The following MAGI2 variants were observed in gnomAD, a reference collection of about 807,000 sequenced individuals.
MAGI2 encodes membrane associated guanylate kinase, WW and PDZ domain containing 2, also known as membrane-associated guanylate kinase, WW and PDZ domain-containing protein 2.
In MAGI2, 35 loss-of-function variants were observed where a neutral mutation model predicts 133.3. That is an observed-to-expected ratio of 0.26 (90% CI 0.20 to 0.35). MAGI2 has a LOEUF of 0.35. MAGI2 is among the 10% of genes least tolerant of loss of function. The pLI, the probability that MAGI2 is intolerant of heterozygous loss-of-function variation, is 1.00. For synonymous variants in MAGI2, 729 were observed against 710.6 expected (o/e 1.03, Z -0.41); for missense variants, 1,636 against 1,863.4 (o/e 0.88, Z 2.25).
At chr7:79,420,482 T>C (rs1178297379) in intron 1 of MAGI2, among the ~76,000 whole-genome samples, 1 of 151,958 alleles carries the variant, frequency 6.6e-6, no homozygotes, top group Non-Finnish European at 1.5e-5. Context: ...TCAACCTCAC[T>C]TTTCTCAATG....
At chr7:78,622,955 A>G (rs562812332) in intron 3 of MAGI2, among the ~76,000 whole-genome samples, 28 of 152,214 alleles carry the variant, frequency 1.8e-4, no homozygotes, top group Admixed American at 1.3e-3. Flanking sequence ...CCAGCAAACT[A>G]AAGTGCCAGT....
intron 20 of MAGI2, among the ~76,000 whole-genome samples, chr7:78,115,373 T>C (rs542871915): frequency 9.9e-5 from 15 of 152,132 alleles, no homozygotes; most frequent in Middle Eastern, 6.9e-3. Context: ...TAAATACAAG[T>C]ATAAGTAAAT....
intron 1 of MAGI2, among the ~76,000 whole-genome samples, chr7:79,430,192 T>G (rs913362103): frequency 6.6e-6 from 1 of 152,152 alleles, no homozygotes; most frequent in African/African-American, 2.4e-5. Flanking sequence ...TTTAAAAATC[T>G]ATGTCAACAA....
intron 1 of MAGI2, among the ~76,000 whole-genome samples, chr7:79,171,142 T>A (rs1432807832): frequency 6.6e-6 from 1 of 152,078 alleles, no homozygotes; most frequent in Non-Finnish European, 1.5e-5. Context: ...GAAATTTATT[T>A]TCCCATGGTT....
intron 3 of MAGI2, among the ~76,000 whole-genome samples, chr7:78,620,067 T>G (rs16886222): frequency 6.6e-6 from 1 of 151,912 alleles, no homozygotes; most frequent in Non-Finnish European, 1.5e-5. Context: ...CAGTAAAAAT[T>G]TCCTCTTGTA....
chr7:78,479,531 A>G (rs1792141713), intron 6 of MAGI2, among the ~76,000 whole-genome samples: 10 of 151,982 alleles, frequency 6.6e-5, no homozygotes. Flanking sequence ...CCAAGTCAGG[A>G]GAACTAAGCA....
intron 1 of MAGI2, among the ~76,000 whole-genome samples, chr7:79,389,827 G>C (rs1844467250): frequency 6.6e-6 from 1 of 151,974 alleles, no homozygotes; most frequent in Non-Finnish European, 1.5e-5. Context: ...GACCAGTTTG[G>C]GTTTCCTGAG....
At chr7:79,289,761 C>T (rs974586869) in intron 1 of MAGI2, among the ~76,000 whole-genome samples, 5 of 152,132 alleles carry the variant, frequency 3.3e-5, no homozygotes, top group Non-Finnish European at 7.4e-5. Flanking sequence ...AGCAGGAAAT[C>T]TGATTTCCAT....
intron 16 of MAGI2, among the ~76,000 whole-genome samples, chr7:78,138,049 A>G (rs956959307): frequency 7.2e-5 from 11 of 152,198 alleles, no homozygotes; most frequent in African/African-American, 2.7e-4. Flanking sequence ...AGCAGTTATT[A>G]ATTTGTCCAA....
intron 2 of MAGI2, among the ~76,000 whole-genome samples, chr7:78,955,231 G>A (rs933423731): frequency 6.6e-6 from 1 of 151,540 alleles, no homozygotes; most frequent in African/African-American, 2.4e-5. Context: ...TTATTTTGTA[G>A]TTAAAAAAAC....
chr7:78,051,907 A>G (rs1164671847), intron 21 of MAGI2, among the ~76,000 whole-genome samples: 1 of 109,022 alleles, frequency 9.2e-6, no homozygotes, highest in Non-Finnish European at 1.7e-5. Flanking sequence ...TTTTTAAGAC[A>G]AGATCTTGCT....
intron 2 of MAGI2, among the ~76,000 whole-genome samples, chr7:78,717,069 C>T (rs946658391): frequency 1.3e-5 from 2 of 152,128 alleles, no homozygotes; most frequent in East Asian, 1.9e-4. Flanking sequence ...GCATACCATT[C>T]CCACCCCATT....
chr7:78,636,880 T>C (rs529859135), intron 2 of MAGI2, among the ~76,000 whole-genome samples: 2 of 152,200 alleles, frequency 1.3e-5, no homozygotes, highest in African/African-American at 2.4e-5. Context: ...GGAGGACTTG[T>C]TAAAGCACAG....
chr7:78,628,040 G>A (rs919984720), intron 2 of MAGI2, among the ~76,000 whole-genome samples: 5 of 152,214 alleles, frequency 3.3e-5, no homozygotes, highest in East Asian at 3.9e-4. Flanking sequence ...GAGCTATGAC[G>A]GCCAAGGTGG....
rs1251126790 is a variant in MAGI2 at position 78,803,245 on chromosome 7, A to ACAT, written c.419-176007_419-176006insATG. On this transcript the variant is annotated intron_variant, in intron 2 of 21. Coordinates refer to ENST00000354212, the MANE Select transcript of MAGI2 (RefSeq NM_012301.4). ...CTACATATGTTCTACATAAAGTGTT[A>ACAT]ACTGCTAATAAGAGCAAGTCAGGAA... is the stretch of plus-strand genomic sequence containing the variant. Among the ~76,000 whole-genome samples the ACAT allele has an allele frequency of 1.0e-3, 159 of 152,318 alleles. 3 individuals are homozygous for ACAT. The highest frequency in any genetic ancestry group is 1.6e-3 in the Admixed American group (25 of 15,308).
intron 3 of MAGI2, among the ~76,000 whole-genome samples, chr7:78,546,499 A>G (rs970108601): frequency 3.3e-5 from 5 of 152,230 alleles, no homozygotes; most frequent in African/African-American, 1.2e-4. Flanking sequence ...TATCTTTTCT[A>G]TTAATTCTAA....
At chr7:78,393,320 A>C (rs998790660) in intron 6 of MAGI2, among the ~76,000 whole-genome samples, 1 of 152,204 alleles carries the variant, frequency 6.6e-6, no homozygotes, top group Non-Finnish European at 1.5e-5. Context: ...CTAGTGATGC[A>C]AAGCAGCGGC....
chr7:78,365,291 A>G (rs962630618), intron 7 of MAGI2, among the ~76,000 whole-genome samples: 1 of 152,136 alleles, frequency 6.6e-6, no homozygotes. Flanking sequence ...GAACGGTACG[A>G]CAGGGAGGCC....
rs959615494 is a variant in MAGI2, at chr7:78,738,768, C to T, written c.419-111529G>A. 5.3e-5 allele frequency among the ~76,000 whole-genome samples: 8 copies of T among 152,040 alleles called. No individual in the cohort carries two copies. In the East Asian group the frequency reaches 7.7e-4, roughly 15 times the overall value. ...AAGAATGTCTCATATGGCTTACAAA[C>T]GATTGTCCTTTAGATGGAAGATCAT... is the stretch of plus-strand genomic sequence containing the variant. On this transcript the variant is annotated intron_variant, in intron 2 of 21. Transcript: ENST00000354212.
Sources: allele counts gnomAD v4.1 joint callset (sites outside exome capture counted in the v4.1 genomes callset), GRCh38; gene constraint gnomAD v4.1.1; transcripts MANE v1.5; gene names NCBI Gene and HGNC (gene_info 2026-07-23, HGNC 2026-07-21).